Variants in ATR observed in about 807,000 individuals in gnomAD.
The protein encoded by ATR is ATR checkpoint kinase.
In ATR, 142 loss-of-function variants were observed where a neutral mutation model predicts 305.3. The ratio of observed to expected loss-of-function variants is 0.47; its 90% CI spans 0.41 to 0.53. The LOEUF is 0.53. Ranked by LOEUF, ATR falls within the 20% of genes least tolerant of loss-of-function variation. ATR has a pLI of 0.00. For missense variants in ATR, 2,135 were observed against 3,133.1 expected (o/e 0.68, Z 7.60); for synonymous variants, 1,050 against 1,068.1 (o/e 0.98, Z 0.33).
chr3:142,524,084 C>G lies in ATR; in HGVS notation c.4061G>C (p.Cys1354Ser), dbSNP rs1396313983. 1.9e-6 allele frequency: 3 copies of G among 1,614,156 alleles called. No individual in the cohort carries two copies. The Admixed American group carries it at 5.0e-5, about 27-fold the overall frequency. Residue 1354 changes from cysteine (C) to serine (S), a missense_variant, in exon 22 of 47, where the codon TGT becomes TCT. This residue lies in a region of ATR where 530 missense variants were observed against 766.8 expected (regional missense o/e 0.69). Coordinates refer to ENST00000350721, the MANE Select transcript of ATR (RefSeq NM_001184.4). ...CCCCAATTCCCCTAAACATTCCCCACAGAGCAACCGAGCTTGAGAGTTTGC... is the reference window on the plus strand; with the variant it reads ...CCCCAATTCCCCTAAACATTCCCCAGAGAGCAACCGAGCTTGAGAGTTTGC... ...QDANSQARLL[C>S]GECLGELGAI... is the part of the protein sequence containing the mutation.
chr3:142,547,422 T>G (rs1362730778), intron 16 of ATR, among the ~76,000 whole-genome samples: 1 of 152,180 alleles, frequency 6.6e-6, no homozygotes, highest in African/African-American at 2.4e-5. Flanking sequence ...TAAAATCTAC[T>G]AAAAACACTT....
At chr3:142,566,371 T>A in intron 2 of ATR, 110 bp from the exon 3 acceptor site, 1 of 1,232,592 alleles carries the variant, frequency 8.1e-7, no homozygotes, top group Non-Finnish European at 1.2e-6. Context: ...GTAACCCCTG[T>A]ACTTTGGGAG....
chr3:142,485,096 A>G (rs775114227), intron 36 of ATR, 44 bp downstream of exon 36: 1 of 1,608,396 alleles, frequency 6.2e-7, no homozygotes, highest in Non-Finnish European at 8.5e-7. Context: ...ATTAATAGTC[A>G]TCCTTACATA....
chr3:142,491,522 C>T (rs1166711561), intron 35 of ATR, among the ~76,000 whole-genome samples: 1 of 152,140 alleles, frequency 6.6e-6, no homozygotes, highest in Non-Finnish European at 1.5e-5. Context: ...TTTTTGTGTG[C>T]CTCATAAGTT....
In ATR at chr3:142,461,886, A is replaced by C. The variant is rs2071029104; in HGVS notation, c.7192+54T>G. The C allele has an allele frequency of 6.4e-6, 10 of 1,554,678 alleles. No homozygotes were observed. The South Asian group carries it at 6.7e-5, about 10-fold the overall frequency. Reference sequence around the variant, plus strand: ...GCATATATTAATACCAATTATACCCATATTATATAACTTAGTACCCACACT... The same window carrying C: ...GCATATATTAATACCAATTATACCCCTATTATATAACTTAGTACCCACACT... On this transcript the variant is annotated intron_variant, in intron 42 of 46. Coordinates refer to ENST00000350721, the MANE Select transcript of ATR (RefSeq NM_001184.4).
intron 36 of ATR, among the ~76,000 whole-genome samples, chr3:142,483,857 GAAATA>G (rs1368253986): frequency 6.7e-6 from 1 of 148,334 alleles, no homozygotes; most frequent in Admixed American, 6.8e-5. Flanking sequence ...AAAATAAAAT[GAAATA>G]AAATAAAATA....
intron 21 of ATR, among the ~76,000 whole-genome samples, chr3:142,532,910 G>A (rs528037960): frequency 6.6e-6 from 1 of 152,232 alleles, no homozygotes; most frequent in South Asian, 2.1e-4. Context: ...CTTATCTTAT[G>A]CCAGTTTCAT....
intron 18 of ATR, among the ~76,000 whole-genome samples, chr3:142,539,319 A>G (rs775392037): frequency 2.2e-4 from 34 of 152,144 alleles, no homozygotes; most frequent in Non-Finnish European, 3.8e-4. Flanking sequence ...GGAAATGTTC[A>G]AGATAAGCCC....
chr3:142,467,924 A>C lies in ATR; in HGVS notation c.6687+10T>G. 1 of 1,612,296 alleles carries C rather than the reference A, an allele frequency of 6.2e-7. No homozygotes were observed. Among genetic ancestry groups the C allele is most frequent in the Non-Finnish European group, 8.5e-7 (1 of 1,179,154 alleles). On this transcript the variant is annotated intron_variant, in intron 39 of 46. Coordinates refer to ENST00000350721, the MANE Select transcript of ATR (RefSeq NM_001184.4). Reference sequence around the variant, plus strand: ...ACATCAGTTTATAAGCACTAAGATTATGATAGTACCGGTTTATTGCACAAT... The same window carrying C: ...ACATCAGTTTATAAGCACTAAGATTCTGATAGTACCGGTTTATTGCACAAT...
At chr3:142,469,673 T>C in intron 37 of ATR, 104 bp from the exon 38 acceptor site, 1 of 963,658 alleles carries the variant, frequency 1.0e-6, no homozygotes. Flanking sequence ...AGCTTTAAAG[T>C]ATGTTATTCC....
intron 35 of ATR, among the ~76,000 whole-genome samples, chr3:142,486,398 T>A (rs903433330): frequency 6.6e-5 from 10 of 152,156 alleles, no homozygotes; most frequent in African/African-American, 2.4e-4. Flanking sequence ...GAAAAACATA[T>A]TAGTCAATCT....
In ATR at chr3:142,493,184, A is replaced by G; in HGVS notation, c.6026T>C (p.Phe2009Ser). Reference protein sequence around the residue: ...HGRAMLLVGRFMEETANFESN... With the variant: ...HGRAMLLVGRSMEETANFESN... ...TTCAAAGTTAGCTGTTTCTTCCATA[A>G]ATCGGCCCACTAGTAGCATAGCTCG... Residue 2009 changes from phenylalanine to serine, a missense_variant, in exon 35 of 47, where the codon TTT becomes TCT. Transcript: ENST00000350721. 6.2e-7 allele frequency: 1 copy of G among 1,613,238 alleles called. No individual in the cohort carries two copies. Among genetic ancestry groups the G allele is most frequent in the South Asian group, 1.1e-5 (1 of 90,836 alleles).
At chr3:142,555,545 G>T (rs2034636946) in intron 10 of ATR, among the ~76,000 whole-genome samples, 1 of 152,134 alleles carries the variant, frequency 6.6e-6, no homozygotes, top group African/African-American at 2.4e-5. Context: ...GTCCAAGGTT[G>T]TAACAGGGGG....
intron 23 of ATR, among the ~76,000 whole-genome samples, chr3:142,522,036 T>C (rs1577625305): frequency 6.6e-6 from 1 of 152,106 alleles, no homozygotes; most frequent in Non-Finnish European, 1.5e-5. Flanking sequence ...GCAAACTTCG[T>C]TGTCTGATTT....
chr3:142,517,004 T>TATATATATATATATATATATATAC (rs1471452349), intron 24 of ATR, among the ~76,000 whole-genome samples: 1 of 148,534 alleles, frequency 6.7e-6, no homozygotes, highest in African/African-American at 2.5e-5. Flanking sequence ...TATATATATA[T>TATATATATATATATATATATATAC]ATACATATTT....
At chr3:142,549,698 A>G (rs1281554111) in intron 14 of ATR, 25 bp from the exon 15 acceptor site, 1 of 1,603,870 alleles carries the variant, frequency 6.2e-7, no homozygotes, top group Non-Finnish European at 8.5e-7. Context: ...AACAATTACC[A>G]AAAAGTACAT....
At chr3:142,512,126 C>T (rs2032603857) in intron 27 of ATR, 134 bp downstream of exon 27, 2 of 860,566 alleles carry the variant, frequency 2.3e-6, no homozygotes, top group African/African-American at 1.8e-5. Flanking sequence ...CTCCAAACAA[C>T]AACAACAACA....
intron 21 of ATR, among the ~76,000 whole-genome samples, chr3:142,534,779 A>G (rs2033792838): frequency 6.6e-6 from 1 of 152,194 alleles, no homozygotes; most frequent in African/African-American, 2.4e-5. Context: ...ATGTGAGAAG[A>G]CTTACATAAA....
At chr3:142,517,245 T>C (rs563978894) in intron 24 of ATR, among the ~76,000 whole-genome samples, 121 of 151,834 alleles carry the variant, frequency 8.0e-4, no homozygotes, top group Admixed American at 2.7e-3. Context: ...GTTATTTCTA[T>C]GGTGATTTTG....
Sources: allele counts gnomAD v4.1 joint callset (sites outside exome capture counted in the v4.1 genomes callset), GRCh38; gene constraint gnomAD v4.1.1; regional missense constraint gnomAD v4.1.1; transcripts MANE v1.5; gene names NCBI Gene and HGNC (gene_info 2026-07-23, HGNC 2026-07-21).